HIF1AN: variants seen among roughly 807,000 people sequenced by gnomAD.
HIF1AN encodes the protein hypoxia-inducible factor 1-alpha inhibitor.
In HIF1AN, 21 loss-of-function variants were observed where a neutral mutation model predicts 47.7. That is an observed-to-expected ratio of 0.44 (90% CI 0.31 to 0.63). The LOEUF is 0.63. HIF1AN is among the 30% of genes least tolerant of loss of function. The pLI, the probability that HIF1AN is intolerant of heterozygous loss-of-function variation, is 0.07. For missense variants in HIF1AN, 320 were observed against 432.7 expected (o/e 0.74, Z 2.31); for synonymous variants, 152 against 155.9 (o/e 0.98, Z 0.18).
chr10:100,536,069 C>T lies in HIF1AN; in HGVS notation c.111C>T (p.Phe37=), dbSNP rs769829095. ...AATCCCAGTTGCGCAGTTATAGCTT[C>T]CCGACTAGGCCCATTCCGCGTCTGA... ...WDESQLRSYS[F]PTRPIPRLSQ... The change falls in exon 1 of 8, where the codon TTC becomes TTT. Residue 37 remains phenylalanine, a synonymous_variant. Coordinates refer to ENST00000299163, the MANE Select transcript of HIF1AN (RefSeq NM_017902.3). The T allele has an allele frequency of 2.3e-5, 37 of 1,612,408 alleles. No homozygotes were observed. The Middle Eastern group carries it at 4.9e-4, about 22-fold the overall frequency.
chr10:100,548,050 A>G (rs2133729452), intron 7 of HIF1AN, 43 bp from the exon 8 acceptor site: 1 of 1,604,174 alleles, frequency 6.2e-7, no homozygotes, highest in East Asian at 2.2e-5. Context: ...TTCCAGGGCC[A>G]GGGAACAGCC....
intron 2 of HIF1AN, among the ~76,000 whole-genome samples, chr10:100,540,054 G>A (rs1843010029): frequency 6.6e-6 from 1 of 152,026 alleles, no homozygotes; most frequent in Non-Finnish European, 1.5e-5. Flanking sequence ...TGTCACCCAG[G>A]CTGGAGTGCA....
rs573937279 is a variant in HIF1AN, at chr10:100,547,912, A to G, written c.1006-181A>G. Among the ~76,000 whole-genome samples the G allele has an allele frequency of 1.1e-4, 17 of 152,332 alleles. 1 individual carries two copies. In the South Asian group the frequency reaches 3.1e-3, roughly 28 times the overall value. ...AGTACAAGATGGACCCCTGAGGGAA[A>G]GACTATGTCCCAGAATACTGGGTTG... On this transcript the variant is annotated intron_variant, in intron 7 of 7. Transcript: ENST00000299163.
At chr10:100,540,611 G>C in intron 2 of HIF1AN, 23 bp from the exon 3 acceptor site, 1 of 1,613,174 alleles carries the variant, frequency 6.2e-7, no homozygotes. Flanking sequence ...GCACTAATAG[G>C]ATTTTCTTCT....
rs145342870 is a variant in HIF1AN at position 100,545,332 on chromosome 10, T to C, written c.723+236T>C. On this transcript the variant is annotated intron_variant, in intron 4 of 7. Coordinates refer to ENST00000299163, the MANE Select transcript of HIF1AN (RefSeq NM_017902.3). ...CAGAGCTAATTCTCAGGACAGACAC[T>C]GTCATTGATGCTGATGGACTCTGGT... 308 of 454,750 alleles carry C rather than the reference T, an allele frequency of 6.8e-4. 1 individual carries two copies. The highest frequency in any genetic ancestry group is 5.5e-3 in the African/African-American group (278 of 50,920). 28.2% of individuals were successfully genotyped at this position (454,750 alleles called of 1,614,324 possible).
rs1843236117 is a variant in HIF1AN at position 100,558,984 on chromosome 10, T to A, written c.*10847T>A. 1 of 152,234 alleles carries A rather than the reference T, an allele frequency of 6.6e-6. No homozygotes were observed. The highest frequency in any genetic ancestry group is 1.5e-5 in the Non-Finnish European group (1 of 68,042). 9.4% of individuals were successfully genotyped at this position (152,234 alleles called of 1,614,324 possible). ...CATTTGTGAGAGTAACAGGTTTGCT[T>A]TGTAATGCCAACTAAAAAGTGTGTA... On this transcript the variant is annotated 3_prime_UTR_variant, in exon 8 of 8. Coordinates refer to ENST00000299163, the MANE Select transcript of HIF1AN (RefSeq NM_017902.3).
At chr10:100,541,090 G>T (rs906926968) in intron 3 of HIF1AN, among the ~76,000 whole-genome samples, 1 of 152,104 alleles carries the variant, frequency 6.6e-6, no homozygotes, top group Admixed American at 6.5e-5. Context: ...ATGGTGGTGC[G>T]TGCCTGTAGT....
chr10:100,544,826 TA>T, intron 3 of HIF1AN, 124 bp from the exon 4 acceptor site: 1 of 865,632 alleles, frequency 1.2e-6, no homozygotes, highest in Non-Finnish European at 1.8e-6. Flanking sequence ...TGATTCTGCC[TA>T]AATTTTGATT....
rs1843018668 is a variant in HIF1AN at position 100,540,748 on chromosome 10, G to C, written c.543G>C (p.Gln181His). ...AACAGGGAAAGCGTGGCTGGGGGCA[G>C]CTTACCTCTAACCTGCTGCTCATTG... Reference protein sequence around the residue: ...NKQQGKRGWGQLTSNLLLIGM... With the variant: ...NKQQGKRGWGHLTSNLLLIGM... The change falls in exon 3 of 8, where the codon CAG (glutamine) becomes CAC (histidine). Residue 181 changes from glutamine to histidine, a missense_variant. Gln to His is a conservative substitution (Grantham distance 24). Around this residue, in one of 2 missense-constraint regions of HIF1AN, gnomAD observed 161 missense variants for 272.8 expected, o/e 0.59. Transcript: ENST00000299163. The C allele has an allele frequency of 1.2e-6, 2 of 1,613,248 alleles. No homozygotes were observed. The highest frequency in any genetic ancestry group is 1.7e-6 in the Non-Finnish European group (2 of 1,179,722).
At position 100,557,295 on chromosome 10, in the gene HIF1AN, G is replaced by GGT. The variant is rs1843222424; in HGVS notation, c.*9161_*9162dup. 1 of 152,106 alleles carries GGT rather than the reference G, an allele frequency of 6.6e-6. No individual in the cohort carries two copies. The highest frequency in any genetic ancestry group is 1.5e-5 in the Non-Finnish European group (1 of 68,052). 9.4% of individuals were successfully genotyped at this position (152,106 alleles called of 1,614,324 possible). ...TTTGCACAGGCTGGGTGCCTTTGGG[G>GGT]GTGTTCATCTCGCTATGCTTCGGTC... is the stretch of plus-strand genomic sequence containing the variant. On this transcript the variant is annotated 3_prime_UTR_variant, in exon 8 of 8. Transcript: ENST00000299163.
At position 100,536,059 on chromosome 10, in the gene HIF1AN, G is replaced by A. The variant is rs1852214951; in HGVS notation, c.101G>A (p.Ser34Asn). 1 of 1,612,330 alleles carries A rather than the reference G, an allele frequency of 6.2e-7. No individual in the cohort carries two copies. Among genetic ancestry groups the A allele is most frequent in the African/African-American group, 1.3e-5 (1 of 74,906 alleles). The change falls in exon 1 of 8, where the codon AGT (serine) becomes AAT (asparagine). Residue 34 changes from serine to asparagine, a missense_variant. Physicochemically the swap from Ser to Asn is conservative, Grantham distance 46. Coordinates refer to ENST00000299163, the MANE Select transcript of HIF1AN (RefSeq NM_017902.3). ...GPAWDESQLR[S>N]YSFPTRPIPR... ...GCCTGGGATGAATCCCAGTTGCGCAGTTATAGCTTCCCGACTAGGCCCATT... is the reference window on the plus strand; with the variant it reads ...GCCTGGGATGAATCCCAGTTGCGCAATTATAGCTTCCCGACTAGGCCCATT...
chr10:100,543,742 T>C (rs1160521962), intron 3 of HIF1AN, among the ~76,000 whole-genome samples: 1 of 152,146 alleles, frequency 6.6e-6, no homozygotes, highest in Non-Finnish European at 1.5e-5. Flanking sequence ...CGGCTAATTG[T>C]TTTATAGTTA....
rs979124783 is a variant in HIF1AN, at chr10:100,550,058, C to A, written c.*1921C>A. ...CTTTTGGGAAAGAGGAGCACAGGAG[C>A]GGAGGAAAAACTTGGCCACAGTCAC... On this transcript the variant is annotated 3_prime_UTR_variant, in exon 8 of 8. Transcript: ENST00000299163. The A allele has an allele frequency of 3.3e-5, 5 of 152,104 alleles. No homozygotes were observed. The highest frequency in any genetic ancestry group is 1.2e-4 in the African/African-American group (5 of 41,416). The allele number at this position is 152,104 out of a possible 1,614,324, so 9.4% of individuals were successfully genotyped here.
In HIF1AN at chr10:100,547,251, G is replaced by A. The variant is rs1214159328; in HGVS notation, c.1005+1G>A. On this transcript the variant is annotated splice_donor_variant, in intron 7 of 7. Coordinates refer to ENST00000299163, the MANE Select transcript of HIF1AN (RefSeq NM_017902.3). LOFTEE classifies it high-confidence loss of function. ...AGAGGCCTTGGGGAACCCACAAGAG[G>A]TAGGTGACTGCCCCAAGGTGGCTCA... 8 of 1,603,888 alleles carry A rather than the reference G, an allele frequency of 5.0e-6. No individual in the cohort carries two copies. The highest frequency in any genetic ancestry group is 1.3e-5 in the African/African-American group (1 of 74,722).
chr10:100,548,862 A>G lies in HIF1AN; in HGVS notation c.*725A>G, dbSNP rs117388009. On this transcript the variant is annotated 3_prime_UTR_variant, in exon 8 of 8. Coordinates refer to ENST00000299163, the MANE Select transcript of HIF1AN (RefSeq NM_017902.3). ...GGGACATAAGAACCAATGATTGTGCATAAGTTCTAAATTAGAGACACATAT... is the reference window on the plus strand; with the variant it reads ...GGGACATAAGAACCAATGATTGTGCGTAAGTTCTAAATTAGAGACACATAT... 2 of 152,772 alleles carry G rather than the reference A, an allele frequency of 1.3e-5. No individual in the cohort carries two copies. Among genetic ancestry groups the G allele is most frequent in the Non-Finnish European group, 2.9e-5 (2 of 68,048 alleles). 9.5% of individuals were successfully genotyped at this position (152,772 alleles called of 1,614,324 possible). A position where few individuals can be genotyped will look rare whatever the true frequency, so the allele number is the denominator to read the frequency against.
rs1843167747 is a variant in HIF1AN at position 100,552,120 on chromosome 10, G to A, written c.*3983G>A. ...AGCAGCCCACCTTGGCTCTTCCCATGTCTCTGTGTTACTTCTCATATTCTG... is the reference window on the plus strand; with the variant it reads ...AGCAGCCCACCTTGGCTCTTCCCATATCTCTGTGTTACTTCTCATATTCTG... On this transcript the variant is annotated 3_prime_UTR_variant, in exon 8 of 8. Transcript: ENST00000299163. 1 of 152,272 alleles carries A rather than the reference G, an allele frequency of 6.6e-6. No individual in the cohort carries two copies. Among genetic ancestry groups the A allele is most frequent in the African/African-American group, 2.4e-5 (1 of 41,458 alleles). 9.4% of individuals were successfully genotyped at this position (152,272 alleles called of 1,614,324 possible). A position where few individuals can be genotyped will look rare whatever the true frequency, so the allele number is the denominator to read the frequency against.
chr10:100,544,850 C>A, intron 3 of HIF1AN, 101 bp from the exon 4 acceptor site: 4 of 1,115,142 alleles, frequency 3.6e-6, no homozygotes, highest in Non-Finnish European at 5.2e-6. Context: ...GAACTTTTAG[C>A]TGGGAGGGCA....
At chr10:100,547,915 C>CT (rs1201035976) in intron 7 of HIF1AN, among the ~76,000 whole-genome samples, 178 bp from the exon 8 acceptor site, 1 of 152,164 alleles carries the variant, frequency 6.6e-6, no homozygotes, top group African/African-American at 2.4e-5. Flanking sequence ...GAGGGAAAGA[C>CT]TATGTCCCAG....
rs1037101242 is a variant in HIF1AN, at chr10:100,555,918, C to T, written c.*7781C>T. ...AGTGGTTGAGAGTGGAGTCTGCATA[C>T]CTGGATCTGCCATTCTGCATGACTT... On this transcript the variant is annotated 3_prime_UTR_variant, in exon 8 of 8. Transcript: ENST00000299163. The T allele has an allele frequency of 1.3e-4, 20 of 151,568 alleles. No individual in the cohort carries two copies. Among genetic ancestry groups the T allele is most frequent in the African/African-American group, 4.9e-4 (20 of 41,048 alleles). 9.4% of individuals were successfully genotyped at this position (151,568 alleles called of 1,614,324 possible).
Sources: gnomAD v4.1 joint callset for allele counts (sites outside exome capture counted in the v4.1 genomes callset) on GRCh38, gnomAD v4.1.1 for gene constraint, gnomAD v4.1.1 regional missense constraint, MANE v1.5 for transcripts, NCBI Gene and HGNC (gene_info 2026-07-23, HGNC 2026-07-21) for gene names.